ATP2C1: variants seen among roughly 807,000 people sequenced by gnomAD.
The protein encoded by ATP2C1 is calcium-transporting ATPase type 2C member 1.
In ATP2C1, 31 loss-of-function variants were observed where a neutral mutation model predicts 120.5. The ratio of observed to expected loss-of-function variants is 0.26; its 90% CI spans 0.19 to 0.35. ATP2C1 has a LOEUF of 0.35. Among genes scored for constraint, ATP2C1 ranks in the 10% least tolerant of loss-of-function variants. ATP2C1 has a pLI of 1.00. For synonymous variants in ATP2C1, 351 were observed against 358.7 expected (o/e 0.98, Z 0.24); for missense variants, 731 against 1,107.5 (o/e 0.66, Z 4.83).
chr3:130,956,205 AT>A, intron 11 of ATP2C1, 26 bp downstream of exon 11: 4 of 1,460,124 alleles, frequency 2.7e-6, no homozygotes, highest in Non-Finnish European at 3.8e-6. Context: ...GTATGTATAT[AT>A]TTTTATTTGA....
rs764326168 is a variant in ATP2C1, at chr3:130,975,440, G to C, written c.1522G>C (p.Asp508His). 6.2e-7 allele frequency: 1 copy of C among 1,613,888 alleles called. No individual in the cohort carries two copies. Among genetic ancestry groups the C allele is most frequent in the Non-Finnish European group, 8.5e-7 (1 of 1,179,880 alleles). ...CTTGACACTTACTCAGCAGCAGAGA[G>C]ATGTGTACCAACAAGAGAAGGCACG... is the stretch of plus-strand genomic sequence containing the variant. ...QTLTLTQQQRDVYQQEKARMG... is the reference protein window; with the variant it reads ...QTLTLTQQQRHVYQQEKARMG... Residue 508 changes from aspartate (D) to histidine (H), a missense_variant, in exon 18 of 28, where the codon GAT (aspartate) becomes CAT (histidine). Around this residue, in one of 3 missense-constraint regions of ATP2C1, gnomAD observed 571 missense variants for 845.9 expected, o/e 0.67. Transcript: ENST00000510168.
At chr3:130,996,205 A>AT (rs1028611961) in intron 23 of ATP2C1, 94 bp downstream of exon 23, 20 of 935,850 alleles carry the variant, frequency 2.1e-5, no homozygotes, top group Non-Finnish European at 3.3e-5. Flanking sequence ...TCTCTGCCTT[A>AT]TATTTGTGAG....
rs218494 is a variant in ATP2C1 at position 130,955,178 on chromosome 3, A to G, written c.756+98A>G. On this transcript the variant is annotated intron_variant, in intron 10 of 27. Coordinates refer to ENST00000510168, the MANE Select transcript of ATP2C1 (RefSeq NM_001378687.1). ...ATTATTTTATATACTATTGAGAGCAATATTTTATTCAGAATGGAAATCAGT... is the reference window on the plus strand; with the variant it reads ...ATTATTTTATATACTATTGAGAGCAGTATTTTATTCAGAATGGAAATCAGT... The G allele has an allele frequency of 0.92, 769,321 of 833,040 alleles. 356,310 individuals are homozygous for G. Among genetic ancestry groups the G allele is most frequent in the African/African-American group, 0.96 (56,904 of 59,014 alleles). The allele number at this position is 833,040 out of a possible 1,614,324, so 51.6% of individuals were successfully genotyped here. A position where few individuals can be genotyped will look rare whatever the true frequency, so the allele number is the denominator to read the frequency against.
At chr3:130,902,390 T>C (rs576199926) in intron 2 of ATP2C1, among the ~76,000 whole-genome samples, 3 of 150,728 alleles carry the variant, frequency 2.0e-5, no homozygotes, top group Non-Finnish European at 4.4e-5. Context: ...TTTCTCATGG[T>C]TTTATCAAAT....
At position 130,963,818 on chromosome 3, in the gene ATP2C1, A is replaced by G. The variant is rs113132729; in HGVS notation, c.900-153A>G. On this transcript the variant is annotated intron_variant, in intron 12 of 27. Transcript: ENST00000510168. Reference sequence around the variant, plus strand: ...CTGGCAGCTACTAGGTATCCAGTAAATGTTAACTTTCTCTTCCTTTTGAGA... The same window carrying G: ...CTGGCAGCTACTAGGTATCCAGTAAGTGTTAACTTTCTCTTCCTTTTGAGA... 7.1e-3 allele frequency: 6,282 copies of G among 885,714 alleles called. 144 individuals carry two copies. The highest frequency in any genetic ancestry group is 0.053 in the South Asian group (3,371 of 63,330). The allele number at this position is 885,714 out of a possible 1,614,324, so 54.9% of individuals were successfully genotyped here.
intron 1 of ATP2C1, among the ~76,000 whole-genome samples, chr3:130,881,881 A>G (rs2068792612): frequency 6.6e-6 from 1 of 152,150 alleles, no homozygotes; most frequent in Non-Finnish European, 1.5e-5. Context: ...TAGAAATGCT[A>G]CTGATTTTTG....
At chr3:130,890,774 A>G (rs1258760564), upstream of ATP2C1, among the ~76,000 whole-genome samples, 1 of 152,246 alleles carries the variant, frequency 6.6e-6, no homozygotes, top group African/African-American at 2.4e-5. Flanking sequence ...GATTTCGTAC[A>G]ACACTCTTGG....
chr3:130,918,322 A>G, intron 2 of ATP2C1: 1 of 1,564,774 alleles, frequency 6.4e-7, no homozygotes, highest in Non-Finnish European at 8.8e-7. Context: ...CTTCTTTTTC[A>G]GTCAGGAGTT....
chr3:131,016,485 T>G (rs2063639418), exon 27 of ATP2C1: 2 of 886,712 alleles, frequency 2.3e-6, no homozygotes, highest in Non-Finnish European at 3.4e-6. Context: ...CATAAATGCC[T>G]TGCTGTATAA....
chr3:130,983,719 G>A (rs1040453004), intron 20 of ATP2C1, among the ~76,000 whole-genome samples: 2 of 152,138 alleles, frequency 1.3e-5, no homozygotes, highest in African/African-American at 4.8e-5. Context: ...TACTGTCTCT[G>A]TAGTTTTGCC....
Position 130,930,398 on chromosome 3 carries a change from T to C in ATP2C1, c.7-18T>C, listed in dbSNP as rs751078947. On this transcript the variant is annotated intron_variant, in intron 2 of 27. Coordinates refer to ENST00000510168, the MANE Select transcript of ATP2C1 (RefSeq NM_001378687.1). Reference sequence around the variant, plus strand: ...GTTTGCTATATTCAAATATTTTTTCTTTGGTTTTACTTCCTAGGTTGCACG... The same window carrying C: ...GTTTGCTATATTCAAATATTTTTTCCTTGGTTTTACTTCCTAGGTTGCACG... The C allele has an allele frequency of 6.7e-7, 1 of 1,494,508 alleles. No individual in the cohort carries two copies. The highest frequency in any genetic ancestry group is 2.3e-5 in the East Asian group (1 of 44,258). 92.6% of individuals were successfully genotyped at this position (1,494,508 alleles called of 1,614,324 possible).
chr3:130,994,717 T>C (rs909015322), intron 22 of ATP2C1, among the ~76,000 whole-genome samples: 1 of 152,148 alleles, frequency 6.6e-6, no homozygotes, highest in Non-Finnish European at 1.5e-5. Flanking sequence ...TAAATTCCAA[T>C]TATATGTTCC....
At chr3:130,913,269 A>G (rs963300518) in intron 2 of ATP2C1, among the ~76,000 whole-genome samples, 3 of 152,138 alleles carry the variant, frequency 2.0e-5, no homozygotes, top group African/African-American at 7.2e-5. Flanking sequence ...AATTTAAAAA[A>G]AAAAAAGAAT....
At chr3:131,016,574 A>T in exon 27 of ATP2C1, 2 of 548,152 alleles carry the variant, frequency 3.6e-6, no homozygotes, top group South Asian at 4.4e-5. Flanking sequence ...TTTTTCCCTG[A>T]AATAAGATCT....
intron 8 of ATP2C1, among the ~76,000 whole-genome samples, chr3:130,942,564 G>A (rs78944711): frequency 0.018 from 2,665 of 152,270 alleles, 60 homozygotes; most frequent in South Asian, 0.058. Context: ...AGATGCTGTA[G>A]AAGGCCTGAA....
intron 2 of ATP2C1, among the ~76,000 whole-genome samples, chr3:130,909,154 G>A (rs369478289): frequency 2.0e-5 from 3 of 152,134 alleles, no homozygotes; most frequent in South Asian, 2.1e-4. Context: ...CTTAACAAAG[G>A]TTACTGATAC....
intron 1 of ATP2C1, among the ~76,000 whole-genome samples, chr3:130,852,920 C>A (rs1392495206): frequency 6.6e-6 from 1 of 152,172 alleles, no homozygotes; most frequent in African/African-American, 2.4e-5. Context: ...AAATTTTATT[C>A]ATTTTACCAC....
intron 2 of ATP2C1, among the ~76,000 whole-genome samples, chr3:130,916,723 TCTC>T (rs1377190999): frequency 6.6e-6 from 1 of 152,062 alleles, no homozygotes; most frequent in East Asian, 1.9e-4. Flanking sequence ...ACCCCTCAGT[TCTC>T]CTTTTTCTTT....
chr3:131,016,359 A>G, exon 27 of ATP2C1: 1 of 1,613,970 alleles, frequency 6.2e-7, no homozygotes, highest in Non-Finnish European at 8.5e-7. Flanking sequence ...GAAACAGCCC[A>G]AGGGCAGTAT....
Sources: allele counts gnomAD v4.1 joint callset (sites outside exome capture counted in the v4.1 genomes callset), GRCh38; gene constraint gnomAD v4.1.1; regional missense constraint gnomAD v4.1.1; transcripts MANE v1.5; gene names NCBI Gene and HGNC (gene_info 2026-07-23, HGNC 2026-07-21).